The following DNAJC12 variants were observed in gnomAD, a reference collection of about 807,000 sequenced individuals.
The protein encoded by DNAJC12 is DnaJ heat shock protein family (Hsp40) member C12.
DNAJC12 carries 25 observed loss-of-function variants against 28.5 expected under a neutral mutation model. The observed-to-expected ratio is 0.88, with a 90% CI of 0.64 to 1.22. DNAJC12 has a LOEUF of 1.22. Among genes scored for constraint, DNAJC12 ranks in the 50% most tolerant of loss-of-function variants. The pLI, the probability that DNAJC12 is intolerant of heterozygous loss-of-function variation, is 0.00. For synonymous variants in DNAJC12, 77 were observed against 80.6 expected, an observed-to-expected ratio of 0.95 and a Z score of 0.24; for missense variants, 222 against 231.7, an observed-to-expected ratio of 0.96 and a Z score of 0.27.
chr10:67,830,723 T>C (rs1306348371), intron 1 of DNAJC12, among the ~76,000 whole-genome samples: 1 of 152,156 alleles, frequency 6.6e-6, no homozygotes, highest in Admixed American at 6.5e-5. Context: ...TTCATTTAAT[T>C]CCCACAACTG....
At chr10:67,818,192 C>T (rs913090430) in intron 2 of DNAJC12, among the ~76,000 whole-genome samples, 7 of 152,036 alleles carry the variant, frequency 4.6e-5, no homozygotes, top group African/African-American at 1.4e-4. Context: ...GGAGACAGAG[C>T]GAGATCCTGT....
At chr10:67,833,912 C>T (rs1045868227) in intron 1 of DNAJC12, 5 of 479,236 alleles carry the variant, frequency 1.0e-5, no homozygotes, top group Admixed American at 2.3e-5. Context: ...GTGGCTATTA[C>T]TGAGGTGAGT....
At chr10:67,800,221 CAAAAAAAA>C (rs56039954) in intron 4 of DNAJC12, among the ~76,000 whole-genome samples, 3 of 84,644 alleles carry the variant, frequency 3.5e-5, no homozygotes, top group Admixed American at 1.4e-4. Flanking sequence ...GACTCTATCT[CAAAAAAAA>C]AAAAAAAAAA....
chr10:67,832,937 T>C (rs1474553908), intron 1 of DNAJC12, among the ~76,000 whole-genome samples: 2 of 152,186 alleles, frequency 1.3e-5, no homozygotes, highest in Non-Finnish European at 2.9e-5. Context: ...ACAACATCAC[T>C]TCTGAGGAGT....
In DNAJC12 at chr10:67,837,916, T is replaced by C. The variant is rs747659740; in HGVS notation, c.78+18A>G. 7 of 1,532,140 alleles carry C rather than the reference T, an allele frequency of 4.6e-6. 1 individual carries two copies. The South Asian group carries it at 4.7e-5, about 10-fold the overall frequency. The allele number at this position is 1,532,140 out of a possible 1,614,324, so 94.9% of individuals were successfully genotyped here. On this transcript the variant is annotated intron_variant, in intron 1 of 4. Transcript: ENST00000225171. ...AAAAAGAATACTGTTGTGATAAAAA[T>C]ATTATCCACTGTCTTACCGAAGATA...
At chr10:67,808,484 G>C (rs1392757665) in intron 3 of DNAJC12, 1 of 151,940 alleles carries the variant, frequency 6.6e-6, no homozygotes, top group Non-Finnish European at 1.5e-5. Flanking sequence ...TCTAGACCTT[G>C]GTCAATACTA....
chr10:67,808,625 A>AC (rs1841827756), intron 3 of DNAJC12: 1 of 152,072 alleles, frequency 6.6e-6, no homozygotes, highest in African/African-American at 2.4e-5. Context: ...ACACACACAC[A>AC]AACACACAGG....
intron 3 of DNAJC12, 189 bp downstream of exon 3, chr10:67,811,335 A>T: frequency 7.1e-7 from 1 of 1,412,688 alleles, no homozygotes; most frequent in Non-Finnish European, 9.2e-7. Context: ...CTTCTGGCAC[A>T]AATTCATTGC....
intron 4 of DNAJC12, among the ~76,000 whole-genome samples, chr10:67,798,516 CA>C (rs76271858): frequency 3.3e-5 from 5 of 151,198 alleles, no homozygotes; most frequent in African/African-American, 1.2e-4. Flanking sequence ...CCCGTCTCTA[CA>C]AAAAAATACA....
chr10:67,826,559 C>A, intron 1 of DNAJC12, among the ~76,000 whole-genome samples: 1 of 135,608 alleles, frequency 7.4e-6, no homozygotes, highest in Non-Finnish European at 1.5e-5. Context: ...TATAAGATAT[C>A]TAATAATATA....
At chr10:67,818,660 A>AT (rs759141693) in intron 2 of DNAJC12, among the ~76,000 whole-genome samples, 2,073 of 146,190 alleles carry the variant, frequency 0.014, 44 homozygotes, top group African/African-American at 0.046. Context: ...AATTTTTATA[A>AT]TTTTTTTTTT....
At chr10:67,830,526 T>A (rs1237974718) in intron 1 of DNAJC12, among the ~76,000 whole-genome samples, 1 of 149,792 alleles carries the variant, frequency 6.7e-6, no homozygotes, top group Non-Finnish European at 1.5e-5. Context: ...AAGAACGGCG[T>A]GAACCCGGGA....
chr10:67,819,740 AAGG>A (rs1564863407), intron 2 of DNAJC12, among the ~76,000 whole-genome samples: 6 of 25,260 alleles, frequency 2.4e-4, no homozygotes, highest in African/African-American at 1.1e-3. Flanking sequence ...GGAAGGAAGG[AAGG>A]AAGGAAGGAA....
At chr10:67,831,522 G>A (rs905679913) in intron 1 of DNAJC12, among the ~76,000 whole-genome samples, 3 of 152,070 alleles carry the variant, frequency 2.0e-5, no homozygotes, top group African/African-American at 7.2e-5. Context: ...AGATTTCCTA[G>A]CCATACAAAT....
At chr10:67,802,953 A>T (rs915750129) in intron 4 of DNAJC12, among the ~76,000 whole-genome samples, 4 of 150,362 alleles carry the variant, frequency 2.7e-5, no homozygotes, top group Non-Finnish European at 5.9e-5. Flanking sequence ...CCCCCCACAC[A>T]CACACCCGGG....
intron 1 of DNAJC12, among the ~76,000 whole-genome samples, chr10:67,826,811 T>C (rs1842039758): frequency 7.7e-6 from 1 of 130,592 alleles, no homozygotes; most frequent in Non-Finnish European, 1.6e-5. Context: ...TATATAATGA[T>C]ATATATAATA....
At chr10:67,832,717 G>A (rs1168475889) in intron 1 of DNAJC12, among the ~76,000 whole-genome samples, 1 of 152,200 alleles carries the variant, frequency 6.6e-6, no homozygotes, top group Non-Finnish European at 1.5e-5. Flanking sequence ...ACTGAAGGAT[G>A]CTAAACTTAG....
intron 3 of DNAJC12, chr10:67,810,925 T>C (rs1841852583): frequency 6.6e-6 from 1 of 152,240 alleles, no homozygotes; most frequent in South Asian, 2.1e-4. Flanking sequence ...TTACATTTTG[T>C]CTATAATATA....
intron 1 of DNAJC12, among the ~76,000 whole-genome samples, chr10:67,828,061 G>A (rs1842054642): frequency 6.6e-6 from 1 of 152,108 alleles, no homozygotes; most frequent in Non-Finnish European, 1.5e-5. Context: ...CCTGACCCAA[G>A]TCCAGTAGGC....
Sources: allele counts gnomAD v4.1 joint callset (sites outside exome capture counted in the v4.1 genomes callset), GRCh38; gene constraint gnomAD v4.1.1; transcripts MANE v1.5; gene names NCBI Gene and HGNC (gene_info 2026-07-23, HGNC 2026-07-21).